TPPP: variants seen among roughly 807,000 people sequenced by gnomAD.
The protein encoded by TPPP is tubulin polymerization-promoting protein.
TPPP carries 6 observed loss-of-function variants against 15.5 expected under a neutral mutation model. The observed-to-expected ratio is 0.39, with a 90% CI of 0.21 to 0.77. TPPP has a LOEUF of 0.77. Ranked by LOEUF, TPPP falls within the 30% of genes least tolerant of loss-of-function variation. TPPP has a pLI of 0.42. For missense variants in TPPP, 269 were observed against 307.2 expected, an observed-to-expected ratio of 0.88 and a Z score of 0.93; for synonymous variants, 146 against 133.9, an observed-to-expected ratio of 1.09 and a Z score of -0.63.
intron 2 of TPPP, among the ~76,000 whole-genome samples, chr5:667,800 G>A (rs72707024): frequency 0.12 from 17,017 of 142,898 alleles, 1,187 homozygotes; most frequent in Non-Finnish European, 0.15. Context: ...AGGGGTCCGC[G>A]TGGGCCCCAT....
chr5:688,565 C>A (rs1289265762), intron 1 of TPPP, among the ~76,000 whole-genome samples: 1 of 152,020 alleles, frequency 6.6e-6, no homozygotes, highest in Non-Finnish European at 1.5e-5. Context: ...AGAGAGGCGG[C>A]CCAGAACGGC....
Position 692,195 on chromosome 5 carries a change from T to G in TPPP, c.-5+1083A>C, listed in dbSNP as rs1163199505. On this transcript the variant is annotated intron_variant, in intron 1 of 3. Coordinates refer to ENST00000360578, the MANE Select transcript of TPPP (RefSeq NM_007030.3). ...TCAAAACAGCAGCCCCCAACCCCTA[T>G]CAAAACAGCAGCCCCCCAACCCCCT... 1.7e-3 allele frequency among the ~76,000 whole-genome samples: 81 copies of G among 49,058 alleles called. 1 individual carries two copies. The highest frequency in any genetic ancestry group is 6.8e-3 in the African/African-American group (77 of 11,336). The allele number at this position is 49,058 out of a possible 152,430, so 32.2% of individuals were successfully genotyped here.
Position 677,926 on chromosome 5 carries a change from G to A in TPPP, c.135C>T (p.Ser45=). ...SEGAGEGAAA[S]PELSALEEAF... is the part of the protein sequence containing the mutation. ...CCTCCTCCAGGGCACTGAGCTCAGG[G>A]GATGCGGCTGCCCCCTCACCAGCAC... The change falls in exon 2 of 4, where the codon TCC becomes TCT. Residue 45 remains serine, a synonymous_variant. Coordinates refer to ENST00000360578, the MANE Select transcript of TPPP (RefSeq NM_007030.3). The A allele has an allele frequency of 6.2e-7, 1 of 1,612,670 alleles. No individual in the cohort carries two copies. The highest frequency in any genetic ancestry group is 1.1e-5 in the South Asian group (1 of 91,056).
At chr5:678,091 G>A (rs1486790712) in intron 1 of TPPP, 27 bp from the exon 2 acceptor site, 2 of 1,481,262 alleles carry the variant, frequency 1.4e-6, no homozygotes, top group South Asian at 1.4e-5. Context: ...GGAGAAAGGT[G>A]TCACCCGGGC....
intron 1 of TPPP, among the ~76,000 whole-genome samples, chr5:681,972 G>T (rs1033174852): frequency 1.3e-5 from 2 of 151,972 alleles, no homozygotes; most frequent in Non-Finnish European, 2.9e-5. Flanking sequence ...GACACCGCAG[G>T]CCACCTTGGC....
chr5:666,233 T>C (rs888638307), intron 2 of TPPP, 110 bp from the exon 3 acceptor site: 5 of 1,336,464 alleles, frequency 3.7e-6, no homozygotes, highest in Non-Finnish European at 5.1e-6. Flanking sequence ...GCCCACAGGC[T>C]TCACCCACAG....
intron 3 of TPPP, 171 bp downstream of exon 3, chr5:665,799 C>A: frequency 1.3e-6 from 1 of 765,226 alleles, no homozygotes; most frequent in South Asian, 1.8e-5. Flanking sequence ...GACCACACCT[C>A]CTCAGACCCC....
intron 1 of TPPP, among the ~76,000 whole-genome samples, chr5:683,256 G>C (rs565662125): frequency 3.7e-4 from 55 of 148,600 alleles, no homozygotes; most frequent in African/African-American, 1.4e-3. Flanking sequence ...CCTCATGCAG[G>C]CACAGCCCGA....
chr5:675,799 G>A (rs1157282316), intron 2 of TPPP: 2 of 152,296 alleles, frequency 1.3e-5, no homozygotes, highest in African/African-American at 4.8e-5. Context: ...GTTGGCAAAT[G>A]ATGGCCCTTT....
At chr5:674,717 G>T (rs1358819349) in intron 2 of TPPP, among the ~76,000 whole-genome samples, 2 of 151,994 alleles carry the variant, frequency 1.3e-5, no homozygotes, top group African/African-American at 2.4e-5. Flanking sequence ...GCTGCAGGAG[G>T]CTGCAGGTTT....
Position 678,836 on chromosome 5 carries a change from G to A in TPPP, c.-4-772C>T, listed in dbSNP as rs1202174378. Among the ~76,000 whole-genome samples the A allele has an allele frequency of 4.6e-5, 7 of 152,202 alleles. No homozygotes were observed. The South Asian group carries it at 6.2e-4, about 13-fold the overall frequency. The stretch of plus-strand genomic sequence containing the variant: ...GCCATGGGGTTGAGAAGACTGAGGG[G>A]TGCCACCCAGGCAGGGCTTGGGGAC... On this transcript the variant is annotated intron_variant, in intron 1 of 3. Coordinates refer to ENST00000360578, the MANE Select transcript of TPPP (RefSeq NM_007030.3).
chr5:693,575 G>T (rs1387349347), upstream of TPPP, among the ~76,000 whole-genome samples: 1 of 151,614 alleles, frequency 6.6e-6, no homozygotes, highest in African/African-American at 2.4e-5. Context: ...CCCGCGGACC[G>T]CCGGGTATCC....
chr5:680,738 T>C (rs1740599613), intron 1 of TPPP, among the ~76,000 whole-genome samples: 2 of 151,946 alleles, frequency 1.3e-5, no homozygotes, highest in African/African-American at 4.8e-5. Flanking sequence ...GGGTCTCACG[T>C]GGGGACTCGC....
chr5:681,897 G>A (rs1740635290), intron 1 of TPPP, among the ~76,000 whole-genome samples: 1 of 152,190 alleles, frequency 6.6e-6, no homozygotes, highest in Non-Finnish European at 1.5e-5. Flanking sequence ...GCAGGCCAGG[G>A]AATGCCTGTC....
chr5:672,256 G>A (rs540153846), intron 2 of TPPP, among the ~76,000 whole-genome samples: 2 of 152,128 alleles, frequency 1.3e-5, no homozygotes, highest in African/African-American at 4.8e-5. Flanking sequence ...CGGGGCAACC[G>A]CAGACCCCAG....
intron 1 of TPPP, among the ~76,000 whole-genome samples, chr5:678,993 A>C (rs1189142910): frequency 6.6e-6 from 1 of 152,080 alleles, no homozygotes; most frequent in Non-Finnish European, 1.5e-5. Context: ...CTGCTTCCCA[A>C]AGGGGCCTGG....
intron 2 of TPPP, among the ~76,000 whole-genome samples, chr5:675,323 CGGGGGTGCAGTGTGGCT>C (rs1740380718): frequency 2.6e-5 from 1 of 39,008 alleles, no homozygotes; most frequent in Non-Finnish European, 4.7e-5. Flanking sequence ...ACAGTGTGGC[CGGGGGTGCAGTGTGGCT>C]GGGGGTGCAG....
At position 665,071 on chromosome 5, in the gene TPPP, A is replaced by T; in HGVS notation, c.*31T>A. 6.3e-7 allele frequency: 1 copy of T among 1,596,428 alleles called. No individual in the cohort carries two copies. The highest frequency in any genetic ancestry group is 1.7e-5 in the Admixed American group (1 of 59,644). On this transcript the variant is annotated 3_prime_UTR_variant, in exon 4 of 4. Transcript: ENST00000360578. Reference sequence around the variant, plus strand: ...GTGACAGAGTCCCTGCTCTGGGGACACCGGCAGTGCCGCGAGGCATGGAGC... The same window carrying T: ...GTGACAGAGTCCCTGCTCTGGGGACTCCGGCAGTGCCGCGAGGCATGGAGC...
intron 2 of TPPP, among the ~76,000 whole-genome samples, chr5:670,567 G>T (rs955426657): frequency 1.3e-5 from 2 of 152,264 alleles, no homozygotes; most frequent in Non-Finnish European, 2.9e-5. Flanking sequence ...CACGGGGGGA[G>T]GGGGAGCTTC....
Sources: allele counts gnomAD v4.1 joint callset (sites outside exome capture counted in the v4.1 genomes callset), GRCh38; gene constraint gnomAD v4.1.1; transcripts MANE v1.5; gene names NCBI Gene and HGNC (gene_info 2026-07-23, HGNC 2026-07-21).